Variants in KIAA1217 observed in about 807,000 individuals in gnomAD.
KIAA1217 encodes KIAA1217, also known as sickle tail protein homolog.
A neutral mutation model predicts 163.9 loss-of-function variants in KIAA1217; 88 were observed. The ratio of observed to expected loss-of-function variants is 0.54; its 90% CI spans 0.45 to 0.64. The LOEUF is 0.64. Among genes scored for constraint, KIAA1217 ranks in the 30% least tolerant of loss-of-function variants. KIAA1217 has a pLI of 0.00. For missense variants in KIAA1217, 2,372 were observed against 2,475.0 expected, an observed-to-expected ratio of 0.96 and a Z score of 0.88; for synonymous variants, 903 against 923.1, an observed-to-expected ratio of 0.98 and a Z score of 0.39.
intron 1 of KIAA1217, among the ~76,000 whole-genome samples, chr10:23,731,962 G>A (rs1200058615): frequency 2.6e-5 from 4 of 152,094 alleles, no homozygotes; most frequent in Non-Finnish European, 5.9e-5. Flanking sequence ...TCACTTGGTT[G>A]TGGTGTATAA....
intron 2 of KIAA1217, among the ~76,000 whole-genome samples, chr10:24,317,928 G>A (rs546441385): frequency 6.6e-6 from 1 of 152,166 alleles, no homozygotes; most frequent in Non-Finnish European, 1.5e-5. Flanking sequence ...ATCAACGTGC[G>A]TAGGGCATGG....
chr10:23,704,146 ATG>A (rs1241004091), intron 1 of KIAA1217, among the ~76,000 whole-genome samples: 839 of 64,778 alleles, frequency 0.013, 12 homozygotes, highest in Admixed American at 0.023. Context: ...GTGTGTGTGT[ATG>A]TGTGTGTGTG....
intron 2 of KIAA1217, among the ~76,000 whole-genome samples, chr10:24,296,389 T>G (rs1014853939): frequency 6.6e-6 from 1 of 152,128 alleles, no homozygotes; most frequent in Non-Finnish European, 1.5e-5. Context: ...ATTACAGGAG[T>G]GAATCACTAT....
intron 6 of KIAA1217, among the ~76,000 whole-genome samples, chr10:24,491,856 C>T (rs2066193360): frequency 6.6e-6 from 1 of 152,126 alleles, no homozygotes; most frequent in Non-Finnish European, 1.5e-5. Context: ...CTTCCTATCC[C>T]ACACTCCAGC....
At chr10:24,265,406 T>C (rs972308755) in intron 2 of KIAA1217, among the ~76,000 whole-genome samples, 1 of 152,224 alleles carries the variant, frequency 6.6e-6, no homozygotes, top group African/African-American at 2.4e-5. Context: ...ATCCTCCTCT[T>C]AGCTCACATG....
chr10:24,109,378 T>C (rs1277734959), intron 2 of KIAA1217, among the ~76,000 whole-genome samples: 1 of 151,660 alleles, frequency 6.6e-6, no homozygotes, highest in Non-Finnish European at 1.5e-5. Flanking sequence ...GGTTGAACTG[T>C]GGTCTCTTTT....
At chr10:24,241,268 G>GA (rs1364698967) in intron 2 of KIAA1217, among the ~76,000 whole-genome samples, 2 of 151,538 alleles carry the variant, frequency 1.3e-5, no homozygotes, top group Non-Finnish European at 2.9e-5. Flanking sequence ...AGGAGGCATA[G>GA]AAAAAAAATG....
intron 1 of KIAA1217, among the ~76,000 whole-genome samples, chr10:23,780,966 C>G (rs867404821): frequency 6.6e-6 from 1 of 152,192 alleles, no homozygotes; most frequent in African/African-American, 2.4e-5. Flanking sequence ...CAGGCGTGAG[C>G]CACCACACCT....
At position 23,872,029 on chromosome 10, in the gene KIAA1217, C is replaced by T. The variant is rs973725470; in HGVS notation, c.-320-135196C>T. ...ATTCAGCTTTTCTGAGAAGATCAAG[C>T]GACCTCCATGTTTATGAATCTTTAT... On this transcript the variant is annotated intron_variant, in intron 1 of 18. Coordinates refer to the KIAA1217 transcript ENST00000376462. Among the ~76,000 whole-genome samples, 9 of 152,028 alleles carry T rather than the reference C, an allele frequency of 5.9e-5. No individual in the cohort carries two copies. The South Asian group carries it at 8.3e-4, about 14-fold the overall frequency.
At chr10:24,538,557 G>A (rs1227130525) in intron 17 of KIAA1217, among the ~76,000 whole-genome samples, 1 of 87,894 alleles carries the variant, frequency 1.1e-5, no homozygotes, top group African/African-American at 5.4e-5. Context: ...ATGGAGGGAG[G>A]GAGGGAGGGA....
upstream of KIAA1217, among the ~76,000 whole-genome samples, chr10:24,208,196 G>A (rs2067673382): frequency 6.6e-6 from 1 of 151,394 alleles, no homozygotes; most frequent in African/African-American, 2.4e-5. Context: ...TCAAGGACTG[G>A]GTAAAGAACA....
chr10:23,851,135 G>A (rs1839293041), intron 1 of KIAA1217, among the ~76,000 whole-genome samples: 2 of 152,104 alleles, frequency 1.3e-5, no homozygotes, highest in South Asian at 4.2e-4. Flanking sequence ...TTAGCATTAG[G>A]TATATCTCCT....
intron 14 of KIAA1217, among the ~76,000 whole-genome samples, chr10:24,528,323 T>G (rs79935498): frequency 0.13 from 14,684 of 115,458 alleles, 1,031 homozygotes; most frequent in Admixed American, 0.17. Flanking sequence ...TTTTTTTTTG[T>G]TTTTTTTTTT....
At chr10:23,776,074 C>G (rs1054972331) in intron 1 of KIAA1217, among the ~76,000 whole-genome samples, 1 of 152,064 alleles carries the variant, frequency 6.6e-6, no homozygotes, top group Non-Finnish European at 1.5e-5. Context: ...AGGTCATGTT[C>G]AGAAAAATAA....
intron 1 of KIAA1217, among the ~76,000 whole-genome samples, chr10:24,217,433 G>C (rs1303925165): frequency 1.3e-5 from 2 of 152,144 alleles, no homozygotes; most frequent in Non-Finnish European, 2.9e-5. Context: ...TTCCCCATCA[G>C]TGTCTGATGG....
intron 6 of KIAA1217, among the ~76,000 whole-genome samples, chr10:24,479,773 G>A (rs1285273934): frequency 6.6e-6 from 1 of 152,198 alleles, no homozygotes; most frequent in Non-Finnish European, 1.5e-5. Flanking sequence ...CAAGGGAGAA[G>A]TGAACCCAGG....
intron 3 of KIAA1217, among the ~76,000 whole-genome samples, chr10:24,432,162 C>G (rs1006352806): frequency 7.0e-6 from 1 of 143,172 alleles, no homozygotes; most frequent in South Asian, 2.3e-4. Context: ...CTTACTCTAT[C>G]GCCCAGGCTG....
chr10:23,992,714 G>T (rs369817409), intron 1 of KIAA1217, among the ~76,000 whole-genome samples: 2 of 150,310 alleles, frequency 1.3e-5, no homozygotes, highest in African/African-American at 5.0e-5. Flanking sequence ...TTGACACAGG[G>T]CCCCTAACAC....
At chr10:24,042,829 C>T (rs1848710502) in intron 2 of KIAA1217, among the ~76,000 whole-genome samples, 1 of 152,076 alleles carries the variant, frequency 6.6e-6, no homozygotes, top group African/African-American at 2.4e-5. Flanking sequence ...TTACCCTTTA[C>T]CTATATGAAT....
Sources: gnomAD v4.1 joint callset for allele counts (sites outside exome capture counted in the v4.1 genomes callset) on GRCh38, gnomAD v4.1.1 for gene constraint, MANE v1.5 for transcripts, NCBI Gene and HGNC (gene_info 2026-07-23, HGNC 2026-07-21) for gene names.